UNC13C: variants seen among roughly 807,000 people sequenced by gnomAD.
UNC13C encodes the protein protein unc-13 homolog C.
A neutral mutation model predicts 245.4 loss-of-function variants in UNC13C; 174 were observed. The ratio of observed to expected loss-of-function variants is 0.71; its 90% CI spans 0.63 to 0.80. The LOEUF is 0.80. UNC13C is among the 30% of genes least tolerant of loss of function. The pLI is 0.00. For missense variants in UNC13C, 2,829 were observed against 2,602.9 expected (o/e 1.09, Z -1.89); for synonymous variants, 992 against 895.1 (o/e 1.11, Z -1.93).
chr15:54,204,316 A>AAC (rs540126641), intron 4 of UNC13C, among the ~76,000 whole-genome samples: 1 of 150,898 alleles, frequency 6.6e-6, no homozygotes, highest in Admixed American at 6.6e-5. Context: ...GAAAAAAAAA[A>AAC]AAAAACCAAA....
the UNC13C span, among the ~76,000 whole-genome samples, chr15:53,904,015 G>T: frequency 6.6e-6 from 1 of 152,134 alleles, no homozygotes; most frequent in African/African-American, 2.4e-5. Flanking sequence ...AACTTCAGTG[G>T]CTCTTTAATA....
At chr15:54,361,845 G>A (rs1326201666) in intron 17 of UNC13C, among the ~76,000 whole-genome samples, 5 of 152,150 alleles carry the variant, frequency 3.3e-5, no homozygotes, top group Non-Finnish European at 7.4e-5. Flanking sequence ...CCCAGTCTGG[G>A]GAAGACTTAT....
chr15:53,967,416 A>G, the UNC13C span, among the ~76,000 whole-genome samples: 1 of 151,908 alleles, frequency 6.6e-6, no homozygotes, highest in African/African-American at 2.4e-5. Flanking sequence ...CTGTGCTTTC[A>G]AGTGAGTACC....
chr15:54,047,177 G>C (rs1168109563), intron 2 of UNC13C, among the ~76,000 whole-genome samples: 2 of 152,026 alleles, frequency 1.3e-5, no homozygotes, highest in African/African-American at 4.8e-5. Context: ...AGGGCCTATT[G>C]CCTGACCATC....
intron 17 of UNC13C, among the ~76,000 whole-genome samples, chr15:54,364,299 C>T (rs1275353984): frequency 9.2e-5 from 3 of 32,740 alleles, no homozygotes; most frequent in Admixed American, 2.6e-4. Flanking sequence ...AAAAATGACC[C>T]CCCCCCAAGA....
At chr15:54,578,820 C>T (rs1406547553) in intron 30 of UNC13C, among the ~76,000 whole-genome samples, 5 of 152,288 alleles carry the variant, frequency 3.3e-5, no homozygotes, top group East Asian at 1.9e-4. Context: ...GCCTGGCCAA[C>T]GTGGTGAAAC....
intron 4 of UNC13C, among the ~76,000 whole-genome samples, chr15:54,146,038 G>GA (rs1219447968): frequency 6.6e-6 from 1 of 152,146 alleles, no homozygotes; most frequent in Non-Finnish European, 1.5e-5. Context: ...GTCATCAAGA[G>GA]AATTTGTCAT....
intron 19 of UNC13C, among the ~76,000 whole-genome samples, chr15:54,480,626 C>G (rs1291774509): frequency 6.6e-6 from 1 of 151,734 alleles, no homozygotes; most frequent in Non-Finnish European, 1.5e-5. Flanking sequence ...TTTTCTAATT[C>G]ATTCGTATTG....
intron 14 of UNC13C, among the ~76,000 whole-genome samples, chr15:54,325,559 C>T (rs1313463806): frequency 6.6e-6 from 1 of 151,986 alleles, no homozygotes; most frequent in African/African-American, 2.4e-5. Context: ...ATCCCTCCCC[C>T]AGCCCCTCAC....
At chr15:53,990,174 A>G (rs1278928534) in intron 1 of UNC13C, among the ~76,000 whole-genome samples, 2 of 152,048 alleles carry the variant, frequency 1.3e-5, no homozygotes, top group African/African-American at 4.8e-5. Flanking sequence ...ATACTCTCTT[A>G]AAGACTCTCT....
At chr15:54,404,937 T>C (rs1469021744) in intron 18 of UNC13C, among the ~76,000 whole-genome samples, 4 of 152,212 alleles carry the variant, frequency 2.6e-5, no homozygotes, top group Non-Finnish European at 4.4e-5. Flanking sequence ...AATTTTCTCC[T>C]ACAGACTAAA....
At chr15:54,522,041 C>T (rs1336000389) in intron 24 of UNC13C, among the ~76,000 whole-genome samples, 14 of 152,230 alleles carry the variant, frequency 9.2e-5, no homozygotes, top group African/African-American at 3.4e-4. Context: ...AGTGTAGAGG[C>T]TAGATCTACT....
intron 10 of UNC13C, among the ~76,000 whole-genome samples, chr15:54,283,718 G>A (rs1384480464): frequency 2.1e-5 from 3 of 145,874 alleles, no homozygotes; most frequent in Non-Finnish European, 3.0e-5. Context: ...ATATGTGTGT[G>A]TGTGTGTGTG....
intron 20 of UNC13C, among the ~76,000 whole-genome samples, chr15:54,499,292 G>A (rs1252626621): frequency 6.6e-6 from 1 of 152,028 alleles, no homozygotes; most frequent in Admixed American, 6.6e-5. Flanking sequence ...ACAGCACCAA[G>A]GGGATAGTTC....
intron 2 of UNC13C, among the ~76,000 whole-genome samples, chr15:54,092,276 G>A (rs1899615456): frequency 6.6e-6 from 1 of 152,022 alleles, no homozygotes; most frequent in Non-Finnish European, 1.5e-5. Context: ...TATTTTTACT[G>A]TGAGCTTCCA....
intron 18 of UNC13C, among the ~76,000 whole-genome samples, chr15:54,396,836 C>T (rs2040079287): frequency 6.6e-6 from 1 of 150,762 alleles, no homozygotes; most frequent in African/African-American, 2.4e-5. Context: ...GGTGAAATTT[C>T]TGTTCAAATC....
At chr15:54,082,058 G>A (rs1234328879) in intron 2 of UNC13C, among the ~76,000 whole-genome samples, 1 of 152,126 alleles carries the variant, frequency 6.6e-6, no homozygotes, top group Non-Finnish European at 1.5e-5. Flanking sequence ...AGTTTGTCAG[G>A]ATATAAAATG....
chr15:54,487,822 T>C (rs1466029330), intron 19 of UNC13C, among the ~76,000 whole-genome samples: 2 of 149,274 alleles, frequency 1.3e-5, no homozygotes, highest in Non-Finnish European at 3.0e-5. Flanking sequence ...TTGATTACCA[T>C]AATTTACAAT....
intron 18 of UNC13C, among the ~76,000 whole-genome samples, chr15:54,399,800 A>C (rs2140927443): frequency 6.6e-6 from 1 of 152,072 alleles, no homozygotes; most frequent in Non-Finnish European, 1.5e-5. Context: ...GAAGTGAGGA[A>C]GTTTAGGTTT....
Sources: allele counts gnomAD v4.1 joint callset (sites outside exome capture counted in the v4.1 genomes callset), GRCh38; gene constraint gnomAD v4.1.1; transcripts MANE v1.5; gene names NCBI Gene and HGNC (gene_info 2026-07-23, HGNC 2026-07-21).